The following DSCC1 variants were observed in gnomAD, a reference collection of about 807,000 sequenced individuals.
DSCC1 encodes sister chromatid cohesion protein DCC1.
DSCC1 carries 32 observed loss-of-function variants against 48.2 expected under a neutral mutation model. The observed-to-expected ratio is 0.66, with a 90% CI of 0.50 to 0.89. The LOEUF (loss-of-function observed/expected upper bound fraction) is 0.89, where lower values mean the gene tolerates loss of function less well. Ranked by LOEUF, DSCC1 falls within the 40% of genes least tolerant of loss-of-function variation. The pLI, the probability that DSCC1 is intolerant of heterozygous loss-of-function variation, is 0.00. For synonymous variants in DSCC1, 150 were observed against 171.5 expected (o/e 0.87, Z 0.98); for missense variants, 421 against 471.7 (o/e 0.89, Z 1.00).
At chr8:119,839,961 T>C (rs1826743402) in intron 7 of DSCC1, 1 of 152,226 alleles carries the variant, frequency 6.6e-6, no homozygotes, top group South Asian at 2.1e-4. Context: ...ATCGTGTGCA[T>C]GCCTTTCCCA....
At chr8:119,837,627 CCACGTGTAGG>C (rs1774906762) in intron 8 of DSCC1, among the ~76,000 whole-genome samples, 1 of 152,092 alleles carries the variant, frequency 6.6e-6, no homozygotes. Context: ...TTTCAGCTGG[CCACGTGTAGG>C]CACAGGGTAA....
intron 2 of DSCC1, among the ~76,000 whole-genome samples, chr8:119,852,201 ACT>A (rs1563947352): frequency 6.6e-6 from 1 of 151,906 alleles, no homozygotes; most frequent in African/African-American, 2.4e-5. Flanking sequence ...GAACTTAGTT[ACT>A]GTTTTATATA....
intron 7 of DSCC1, among the ~76,000 whole-genome samples, chr8:119,841,274 G>A (rs1826764214): frequency 6.6e-6 from 1 of 152,162 alleles, no homozygotes; most frequent in African/African-American, 2.4e-5. Context: ...TTACAGGCGT[G>A]AGCTACCGCA....
At chr8:119,843,929 A>G (rs1826812612) in intron 4 of DSCC1, among the ~76,000 whole-genome samples, 182 bp from the exon 5 acceptor site, 1 of 151,946 alleles carries the variant, frequency 6.6e-6, no homozygotes, top group African/African-American at 2.4e-5. Context: ...GGCACGCACT[A>G]CCATGCCTGG....
At chr8:119,837,383 A>G (rs377307347) in intron 8 of DSCC1, among the ~76,000 whole-genome samples, 1 of 152,234 alleles carries the variant, frequency 6.6e-6, no homozygotes, top group East Asian at 1.9e-4. Flanking sequence ...AGGTTGGCCA[A>G]TTTGGCAGTG....
chr8:119,842,194 C>T (rs1371034617), intron 6 of DSCC1, among the ~76,000 whole-genome samples: 1 of 152,010 alleles, frequency 6.6e-6, no homozygotes, highest in Admixed American at 6.6e-5. Flanking sequence ...CTGTCCCAGC[C>T]TCCCAGGAAG....
intron 7 of DSCC1, 141 bp downstream of exon 7, chr8:119,841,653 A>G (rs1462085110): frequency 4.3e-6 from 3 of 703,396 alleles, no homozygotes; most frequent in Non-Finnish European, 6.7e-6. Context: ...TTTAAGGACT[A>G]TGTGATGGAT....
intron 4 of DSCC1, among the ~76,000 whole-genome samples, chr8:119,846,088 GA>G: frequency 6.7e-6 from 1 of 148,444 alleles, no homozygotes; most frequent in African/African-American, 2.5e-5. Context: ...AAAAATAAAA[GA>G]TTAGACTATT....
At chr8:119,835,591 C>G (rs1430516904) in intron 8 of DSCC1, among the ~76,000 whole-genome samples, 1 of 152,178 alleles carries the variant, frequency 6.6e-6, no homozygotes, top group East Asian at 1.9e-4. Context: ...AGAACTATGG[C>G]TCAGACAAGT....
intron 7 of DSCC1, chr8:119,839,463 A>C (rs187613098): frequency 6.6e-6 from 1 of 152,336 alleles, no homozygotes; most frequent in East Asian, 1.9e-4. Flanking sequence ...TCCTCTGTCC[A>C]TTCCCCCATT....
chr8:119,833,980 T>C lies in DSCC1; in HGVS notation c.*913A>G, dbSNP rs911433382. On this transcript the variant is annotated 3_prime_UTR_variant, in exon 9 of 9. Transcript: ENST00000313655. The stretch of plus-strand genomic sequence containing the variant: ...ATATATATCATATAATCCATATAAA[T>C]GCAGAAACATTTATTGAAAGACATT... The C allele has an allele frequency of 6.6e-6, 1 of 152,232 alleles. No individual in the cohort carries two copies. Among genetic ancestry groups the C allele is most frequent in the African/African-American group, 2.4e-5 (1 of 41,468 alleles). 9.4% of individuals were successfully genotyped at this position (152,232 alleles called of 1,614,324 possible).
At chr8:119,854,933 GT>G (rs1444740317) in intron 1 of DSCC1, among the ~76,000 whole-genome samples, 1 of 152,204 alleles carries the variant, frequency 6.6e-6, no homozygotes, top group African/African-American at 2.4e-5. Context: ...TAAAATATAG[GT>G]GTCGGAGGAC....
intron 8 of DSCC1, among the ~76,000 whole-genome samples, chr8:119,835,715 G>A (rs1826670991): frequency 6.6e-6 from 1 of 152,086 alleles, no homozygotes. Flanking sequence ...ATACAGTGAG[G>A]CCTACACAGC....
chr8:119,840,413 G>A (rs1226797164), intron 7 of DSCC1: 1 of 152,170 alleles, frequency 6.6e-6, no homozygotes, highest in African/African-American at 2.4e-5. Context: ...AAATTAGAGA[G>A]AATATCATTC....
At chr8:119,841,748 A>C in intron 7 of DSCC1, 46 bp downstream of exon 7, 1 of 1,591,410 alleles carries the variant, frequency 6.3e-7, no homozygotes, top group Non-Finnish European at 8.6e-7. Flanking sequence ...TTCACCTAGT[A>C]ATTAATCAAC....
Position 119,834,998 on chromosome 8 carries a change from ATC to A in DSCC1, c.1075_1076del (p.Asp359PhefsTer14). The A allele has an allele frequency of 6.4e-7, 1 of 1,572,692 alleles. No homozygotes were observed. The highest frequency in any genetic ancestry group is 8.7e-7 in the Non-Finnish European group (1 of 1,148,578). Reference protein sequence around the residue: ...TEEDIAPYIQDLCGEKQTIGA... With the variant: ...TEEDIAPYIQXLCGEKQTIGA... ...CTATGGTTTGCTTCTCTCCACACAA[ATC>A]TCTGTAGGAACAATAAAAAATATAT... On this transcript the variant is annotated frameshift_variant and splice_region_variant, in exon 9 of 9. Coordinates refer to ENST00000313655, the MANE Select transcript of DSCC1 (RefSeq NM_024094.3). LOFTEE classifies it high-confidence loss of function.
At position 119,843,180 on chromosome 8, in the gene DSCC1, C is replaced by T. The variant is rs12679654; in HGVS notation, c.717-352G>A. ...CTCAGCTCACTGCAACCTCCACTTC[C>T]GGAGTTCAAGCAATTCTCCTGCCTC... On this transcript the variant is annotated intron_variant, in intron 5 of 8. Transcript: ENST00000313655. Among the ~76,000 whole-genome samples the T allele has an allele frequency of 3.7e-3, 559 of 151,140 alleles. 17 individuals carry two copies. The East Asian group carries it at 0.1, about 27-fold the overall frequency.
rs116718625 is a variant in DSCC1 at position 119,846,523 on chromosome 8, T to C, written c.577+467A>G. ...GTAGCAGATTGACCTCATGTAAAGA[T>C]GAAATCTCTATCCTACAACAAGAAA... is the stretch of plus-strand genomic sequence containing the variant. On this transcript the variant is annotated intron_variant, in intron 4 of 8. Transcript: ENST00000313655. Among the ~76,000 whole-genome samples the C allele has an allele frequency of 7.5e-3, 1,149 of 152,334 alleles. 16 individuals are homozygous for C. The highest frequency in any genetic ancestry group is 0.026 in the African/African-American group (1,083 of 41,578).
intron 4 of DSCC1, among the ~76,000 whole-genome samples, chr8:119,845,646 T>TAA (rs11370354): frequency 4.3e-4 from 62 of 144,066 alleles, no homozygotes; most frequent in African/African-American, 1.2e-3. Flanking sequence ...CATTTGCCTT[T>TAA]AAAAAAAAAA....
Sources: allele counts gnomAD v4.1 joint callset (sites outside exome capture counted in the v4.1 genomes callset), GRCh38; gene constraint gnomAD v4.1.1; transcripts MANE v1.5; gene names NCBI Gene and HGNC (gene_info 2026-07-23, HGNC 2026-07-21).